Variants in LHFPL5 observed in about 807,000 individuals in gnomAD.
LHFPL5 encodes the protein LHFPL tetraspan subfamily member 5.
Under a neutral mutation model 18.7 loss-of-function variants are expected in LHFPL5, and 12 were observed. The observed-to-expected ratio is 0.64, with a 90% CI of 0.41 to 1.04. The LOEUF (loss-of-function observed/expected upper bound fraction) is 1.04, where lower values mean the gene tolerates loss of function less well. LHFPL5 is among the 50% of genes least tolerant of loss of function. The probability of loss-of-function intolerance (pLI) is 0.00; values close to 1 mark genes in which losing one functional copy is unlikely to be tolerated. For synonymous variants in LHFPL5, 111 were observed against 120.2 expected (o/e 0.92, Z 0.50); for missense variants, 259 against 292.1 (o/e 0.89, Z 0.83).
chr6:35,818,548 G>A (rs540390459), intron 2 of LHFPL5, among the ~76,000 whole-genome samples: 1 of 151,240 alleles, frequency 6.6e-6, no homozygotes, highest in Non-Finnish European at 1.5e-5. Context: ...TTTTTGTAGA[G>A]ACGGGGTTCC....
chr6:35,823,681 A>C lies in LHFPL5; in HGVS notation c.*716A>C, dbSNP rs1471002671. 6.6e-6 allele frequency: 1 copy of C among 151,680 alleles called. No homozygotes were observed. Among genetic ancestry groups the C allele is most frequent in the African/African-American group, 2.4e-5 (1 of 41,066 alleles). 9.4% of individuals were successfully genotyped at this position (151,680 alleles called of 1,614,324 possible). On this transcript the variant is annotated 3_prime_UTR_variant, in exon 4 of 4. Coordinates refer to ENST00000360215, the MANE Select transcript of LHFPL5 (RefSeq NM_182548.4). ...TCAGAACTTGAATCCTTTAACATCC[A>C]CCAGGAAGTTTTATGAAGAGTGGGT... is the stretch of plus-strand genomic sequence containing the variant.
rs983651901 is a variant in LHFPL5, at chr6:35,823,241, C to T, written c.*276C>T. 1.3e-5 allele frequency: 2 copies of T among 152,012 alleles called. No homozygotes were observed. Among genetic ancestry groups the T allele is most frequent in the African/African-American group, 2.4e-5 (1 of 41,358 alleles). 9.4% of individuals were successfully genotyped at this position (152,012 alleles called of 1,614,324 possible). A position where few individuals can be genotyped will look rare whatever the true frequency, so the allele number is the denominator to read the frequency against. ...GTGCTCAGTTGCTGGGGATGGGATC[C>T]AAGTCCATTTCTTAGTTCCACACAG... On this transcript the variant is annotated 3_prime_UTR_variant, in exon 4 of 4. Transcript: ENST00000360215.
chr6:35,811,808 T>A (rs553917440), intron 1 of LHFPL5, among the ~76,000 whole-genome samples: 1 of 152,354 alleles, frequency 6.6e-6, no homozygotes, highest in African/African-American at 2.4e-5. Flanking sequence ...GAGCTGTGGA[T>A]GGCTCCCTCT....
chr6:35,818,543 G>C (rs1162412842), intron 2 of LHFPL5, among the ~76,000 whole-genome samples: 2 of 150,994 alleles, frequency 1.3e-5, no homozygotes, highest in African/African-American at 4.9e-5. Context: ...AATTTTTTTT[G>C]TAGAGACGGG....
At chr6:35,808,294 A>ATT (rs200744773) in intron 1 of LHFPL5, among the ~76,000 whole-genome samples, 2,361 of 120,322 alleles carry the variant, frequency 0.02, 28 homozygotes, top group Middle Eastern at 0.044. Context: ...CCCTATCTCT[A>ATT]TTTTATATAT....
At chr6:35,808,593 A>G (rs1263913611) in intron 1 of LHFPL5, among the ~76,000 whole-genome samples, 1 of 139,492 alleles carries the variant, frequency 7.2e-6, no homozygotes, top group Non-Finnish European at 1.5e-5. Context: ...ATATATATAT[A>G]TATATATATA....
At chr6:35,819,595 G>C (rs1581975365) in intron 3 of LHFPL5, 132 bp downstream of exon 3, 1 of 844,238 alleles carries the variant, frequency 1.2e-6, no homozygotes, top group Admixed American at 2.0e-5. Context: ...TGGGGAGAGA[G>C]GACCAACACC....
At chr6:35,815,192 A>G (rs909024677) in intron 2 of LHFPL5, among the ~76,000 whole-genome samples, 11 of 152,042 alleles carry the variant, frequency 7.2e-5, no homozygotes, top group African/African-American at 1.7e-4. Flanking sequence ...GAACAGGCCA[A>G]TGAGGGTGCA....
chr6:35,815,367 T>C (rs1768741534), intron 2 of LHFPL5, among the ~76,000 whole-genome samples: 1 of 152,098 alleles, frequency 6.6e-6, no homozygotes, highest in African/African-American at 2.4e-5. Flanking sequence ...CCCAAGCACA[T>C]CCTCCAGGAA....
At position 35,805,779 on chromosome 6, in the gene LHFPL5, T is replaced by G. The variant is rs1235892938; in HGVS notation, c.109T>G (p.Ser37Ala). ...VMWGTLTICF[S>A]VLVMALFIQP... ...GTGGGGTACCCTCACCATCTGCTTC[T>G]CCGTACTGGTCATGGCCCTCTTCAT... Residue 37 changes from serine to alanine, a missense_variant, in exon 1 of 4, where the codon TCC (serine) becomes GCC (alanine). Physicochemically the swap from Ser to Ala is moderately conservative, Grantham distance 99. Coordinates refer to ENST00000360215, the MANE Select transcript of LHFPL5 (RefSeq NM_182548.4). The surrounding 1 kb of genome is among the most constrained non-coding windows in gnomAD (Gnocchi z 4.3). 3 of 1,614,096 alleles carry G rather than the reference T, an allele frequency of 1.9e-6. No individual in the cohort carries two copies. In the South Asian group the frequency reaches 3.3e-5, roughly 18 times the overall value.
In LHFPL5 at chr6:35,819,453, C is replaced by CT. The variant is rs748216422; in HGVS notation, c.*7dup. 6.2e-7 allele frequency: 1 copy of CT among 1,613,888 alleles called. No homozygotes were observed. Among genetic ancestry groups the CT allele is most frequent in the Admixed American group, 1.7e-5 (1 of 59,974 alleles). ...TCATTACAGAGGAGGTGTGAAGCAG[C>CT]TGAAGGGTCGGTGAGTAATTCTATG... is the stretch of plus-strand genomic sequence containing the variant. On this transcript the variant is annotated 3_prime_UTR_variant, in exon 3 of 4. Coordinates refer to ENST00000360215, the MANE Select transcript of LHFPL5 (RefSeq NM_182548.4).
chr6:35,820,421 C>T lies in LHFPL5; in HGVS notation c.*16+958C>T, dbSNP rs182518391. Among the ~76,000 whole-genome samples the T allele has an allele frequency of 6.6e-5, 10 of 152,286 alleles. No homozygotes were observed. In the East Asian group the frequency reaches 1.9e-3, roughly 29 times the overall value. On this transcript the variant is annotated intron_variant, in intron 3 of 3. Transcript: ENST00000360215. ...ATGCATTTAAAAAAGAAAAAGAGGA[C>T]CGGGCGCGGTGACTCACGCCTGTAA...
At chr6:35,819,034 T>C (rs1233628664) in intron 2 of LHFPL5, among the ~76,000 whole-genome samples, 1 of 152,118 alleles carries the variant, frequency 6.6e-6, no homozygotes, top group Non-Finnish European at 1.5e-5. Flanking sequence ...GGTTTCACCT[T>C]GTTGGCCAGA....
chr6:35,806,103 G>A lies in LHFPL5; in HGVS notation c.412+21G>A, dbSNP rs530377731. The stretch of plus-strand genomic sequence containing the variant: ...TGCGGGTAAGCAGAGATGGTGGGAG[G>A]GCAGGCAGGGGCCCACCCCGGGGCC... On this transcript the variant is annotated intron_variant, in intron 1 of 3. Coordinates refer to ENST00000360215, the MANE Select transcript of LHFPL5 (RefSeq NM_182548.4). 226 of 1,611,250 alleles carry A rather than the reference G, an allele frequency of 1.4e-4. 3 individuals are homozygous for A. In the Admixed American group the frequency reaches 3.5e-3, roughly 25 times the overall value.
rs886061353 is a variant in LHFPL5, at chr6:35,823,426, T to TATAC, written c.*462_*463insTACA. 1.7e-5 allele frequency: 1 copy of TATAC among 59,324 alleles called. No homozygotes were observed. Among genetic ancestry groups the TATAC allele is most frequent in the African/African-American group, 6.4e-5 (1 of 15,516 alleles). The allele number at this position is 59,324 out of a possible 1,614,324, so 3.7% of individuals were successfully genotyped here. ...ACACACACACACACACACACACACA[T>TATAC]ACATACACACACACATATATATACA... On this transcript the variant is annotated 3_prime_UTR_variant, in exon 4 of 4. Coordinates refer to ENST00000360215, the MANE Select transcript of LHFPL5 (RefSeq NM_182548.4).
chr6:35,819,879 G>A (rs918835077), intron 3 of LHFPL5: 15 of 260,734 alleles, frequency 5.8e-5, no homozygotes, highest in African/African-American at 3.1e-4. Flanking sequence ...GGGTTTCACC[G>A]TGTTAGCCAG....
At chr6:35,818,351 A>ATTT (rs766409391) in intron 2 of LHFPL5, among the ~76,000 whole-genome samples, 1 of 106,926 alleles carries the variant, frequency 9.4e-6, no homozygotes, top group African/African-American at 3.8e-5. Flanking sequence ...ATATATATGT[A>ATTT]TTTTTTTTTT....
rs1477759819 is a variant in LHFPL5, at chr6:35,823,412, C to CACAT, written c.*450_*451insTACA. The CACAT allele has an allele frequency of 1.4e-5, 2 of 141,342 alleles. No individual in the cohort carries two copies. The highest frequency in any genetic ancestry group is 6.0e-5 in the African/African-American group (2 of 33,140). 8.8% of individuals were successfully genotyped at this position (141,342 alleles called of 1,614,324 possible). On this transcript the variant is annotated 3_prime_UTR_variant, in exon 4 of 4. Transcript: ENST00000360215. ...ATACACACACACACACACACACACA[C>CACAT]ACACACACACACATACATACACACA...
chr6:35,819,370 G>T (rs895005247), intron 2 of LHFPL5, 67 bp from the exon 3 acceptor site: 1 of 1,430,970 alleles, frequency 7.0e-7, no homozygotes, highest in East Asian at 2.3e-5. Context: ...AGATGGAGTA[G>T]TGTGCAGGAA....
Sources: gnomAD v4.1 joint callset for allele counts (sites outside exome capture counted in the v4.1 genomes callset) on GRCh38, gnomAD v4.1.1 for gene constraint, Gnocchi (gnomAD v3.1) non-coding constraint, MANE v1.5 for transcripts, NCBI Gene and HGNC (gene_info 2026-07-23, HGNC 2026-07-21) for gene names.